Variants in CCDC6 observed in about 807,000 individuals in gnomAD.
The protein encoded by CCDC6 is coiled-coil domain containing 6.
CCDC6 carries 20 observed loss-of-function variants against 56.6 expected under a neutral mutation model. That is an observed-to-expected ratio of 0.35 (90% confidence interval 0.25 to 0.51). The LOEUF is 0.51. Among genes scored for constraint, CCDC6 ranks in the 20% least tolerant of loss-of-function variants. The pLI is 0.95. For missense variants in CCDC6, 367 were observed against 601.1 expected (o/e 0.61, Z 4.07); for synonymous variants, 241 against 234.4 (o/e 1.03, Z -0.26).
chr10:59,808,080 G>A (rs993073174), intron 5 of CCDC6, among the ~76,000 whole-genome samples: 2 of 152,080 alleles, frequency 1.3e-5, no homozygotes, highest in African/African-American at 4.8e-5. Flanking sequence ...GTATATAGCT[G>A]GCACCTCTAG....
chr10:59,833,614 C>T (rs1034600455), intron 2 of CCDC6, among the ~76,000 whole-genome samples: 17 of 116,942 alleles, frequency 1.5e-4, no homozygotes, highest in African/African-American at 5.4e-4. Flanking sequence ...TTAATAATCG[C>T]GCGTTATTTT....
At chr10:59,877,145 G>T (rs895243) in intron 1 of CCDC6, among the ~76,000 whole-genome samples, 115,697 of 152,144 alleles carry the variant, frequency 0.76, 44,243 homozygotes, top group East Asian at 0.9. Flanking sequence ...ATGCCATTAC[G>T]CAGTGCATAA....
intron 1 of CCDC6, among the ~76,000 whole-genome samples, chr10:59,900,278 C>T (rs1225403593): frequency 6.6e-6 from 1 of 152,012 alleles, no homozygotes; most frequent in Non-Finnish European, 1.5e-5. Flanking sequence ...CGGTGTGTGG[C>T]TGACAAAGAG....
At chr10:59,887,474 C>A in intron 1 of CCDC6, among the ~76,000 whole-genome samples, 2 of 127,756 alleles carry the variant, frequency 1.6e-5, no homozygotes, top group South Asian at 2.4e-4. Flanking sequence ...GCTTACCATG[C>A]AACTGTTAAA....
At chr10:59,862,387 T>G (rs190427864) in intron 1 of CCDC6, among the ~76,000 whole-genome samples, 2 of 149,988 alleles carry the variant, frequency 1.3e-5, no homozygotes, top group African/African-American at 4.9e-5. Context: ...ACTCAGGAGG[T>G]TGAGGCATAA....
intron 3 of CCDC6, among the ~76,000 whole-genome samples, chr10:59,821,191 T>C (rs10994030): frequency 0.19 from 28,986 of 152,164 alleles, 3,454 homozygotes; most frequent in African/African-American, 0.34. Flanking sequence ...CCCATACACC[T>C]GAGTTAATCC....
chr10:59,903,771 G>T (rs1017481510), intron 1 of CCDC6, among the ~76,000 whole-genome samples: 1 of 152,184 alleles, frequency 6.6e-6, no homozygotes, highest in Non-Finnish European at 1.5e-5. Flanking sequence ...TTAAGTCAGC[G>T]ATGTCAGGGA....
intron 1 of CCDC6, among the ~76,000 whole-genome samples, chr10:59,881,645 G>T (rs1460181671): frequency 6.6e-6 from 1 of 152,192 alleles, no homozygotes; most frequent in Non-Finnish European, 1.5e-5. Flanking sequence ...TTCAAATGAA[G>T]CCAAAAGTTG....
chr10:59,853,378 C>CA (rs1464061431), intron 1 of CCDC6, among the ~76,000 whole-genome samples: 3 of 151,788 alleles, frequency 2.0e-5, no homozygotes, highest in Non-Finnish European at 4.4e-5. Flanking sequence ...ATAAAAAATA[C>CA]AAAAAATTAG....
At chr10:59,832,375 T>C in intron 3 of CCDC6, 150 bp downstream of exon 3, 1 of 624,374 alleles carries the variant, frequency 1.6e-6, no homozygotes, top group Middle Eastern at 4.4e-4. Flanking sequence ...TGTAAACCTG[T>C]CAATGCTCAC....
At position 59,814,224 on chromosome 10, in the gene CCDC6, A is replaced by G. The variant is rs148796925; in HGVS notation, c.686+428T>C. ...TTACAGTAGGTTTTAAAACAATTTT[A>G]TTATTAAAATCTCAGGCTTCCTAAA... On this transcript the variant is annotated intron_variant, in intron 4 of 8. Transcript: ENST00000263102. Among the ~76,000 whole-genome samples the G allele has an allele frequency of 1.6e-3, 243 of 152,298 alleles. 2 individuals are homozygous for G. Among genetic ancestry groups the G allele is most frequent in the African/African-American group, 5.7e-3 (235 of 41,558 alleles).
At chr10:59,820,174 C>T (rs2070738923) in intron 3 of CCDC6, among the ~76,000 whole-genome samples, 1 of 152,126 alleles carries the variant, frequency 6.6e-6, no homozygotes, top group African/African-American at 2.4e-5. Flanking sequence ...AGAGGTGGCT[C>T]CCAATGCTAC....
intron 2 of CCDC6, among the ~76,000 whole-genome samples, chr10:59,850,906 T>A (rs2071033318): frequency 6.6e-6 from 1 of 152,064 alleles, no homozygotes; most frequent in Admixed American, 6.5e-5. Context: ...TTTTATGTTT[T>A]CATTCTTATG....
At chr10:59,811,433 G>A (rs867120015) in intron 5 of CCDC6, among the ~76,000 whole-genome samples, 22 of 152,264 alleles carry the variant, frequency 1.4e-4, no homozygotes, top group Middle Eastern at 6.8e-3. Context: ...TGTTCATTGC[G>A]GTTGTAGCAT....
chr10:59,794,360 G>A (rs2070494834), intron 8 of CCDC6, 113 bp downstream of exon 8: 3 of 1,007,826 alleles, frequency 3.0e-6, no homozygotes, highest in Non-Finnish European at 3.0e-6. Context: ...GTGAACGGAT[G>A]GAGGAGGCAG....
At chr10:59,887,481 T>TAAA (rs60170273) in intron 1 of CCDC6, among the ~76,000 whole-genome samples, 1 of 136,550 alleles carries the variant, frequency 7.3e-6, no homozygotes, top group African/African-American at 2.7e-5. Flanking sequence ...ATGCAACTGT[T>TAAA]AAAAAAAAAA....
Position 59,806,985 on chromosome 10 carries a change from C to T in CCDC6, c.941G>A (p.Arg314Lys), listed in dbSNP as rs147748484. ...LQRKLQREME[R>K]REALCRQLSE... ...GAGCTGTCGACAGAGGGCTTCTCTTCTCTCCATCTCCCTCTGCAGCTTCCT... is the reference window on the plus strand; with the variant it reads ...GAGCTGTCGACAGAGGGCTTCTCTTTTCTCCATCTCCCTCTGCAGCTTCCT... Residue 314 changes from arginine to lysine, a missense_variant, in exon 6 of 9, where the codon AGA becomes AAA. By Grantham distance (26) the Arg-to-Lys change is conservative. This residue lies in a region of CCDC6 where 81 missense variants were observed against 150.8 expected (regional missense o/e 0.54). Coordinates refer to ENST00000263102, the MANE Select transcript of CCDC6 (RefSeq NM_005436.5). 1 of 1,614,078 alleles carries T rather than the reference C, an allele frequency of 6.2e-7. No homozygotes were observed. Among genetic ancestry groups the T allele is most frequent in the African/African-American group, 1.3e-5 (1 of 75,048 alleles).
chr10:59,793,105 A>G lies in CCDC6; in HGVS notation c.1237T>C (p.Ser413Pro), dbSNP rs757953028. 1.2e-6 allele frequency: 2 copies of G among 1,613,896 alleles called. No homozygotes were observed. The highest frequency in any genetic ancestry group is 1.7e-5 in the Admixed American group (1 of 59,992). Residue 413 changes from serine (S) to proline (P), a missense_variant, in exon 9 of 9, where the codon TCA becomes CCA. This residue lies in a region of CCDC6 where 79 missense variants were observed against 83.9 expected (regional missense o/e 0.94). Coordinates refer to ENST00000263102, the MANE Select transcript of CCDC6 (RefSeq NM_005436.5). ...MGTSHGITRP[S>P]PRRSNSPDKF... ...TCAGGACTGTTGCTTCTCCGTGGTG[A>G]AGGCCTCTGCAGAGGGGACAGGAAC... is the stretch of plus-strand genomic sequence containing the variant.
At chr10:59,906,041 G>T (rs2071542753) in intron 1 of CCDC6, 81 bp downstream of exon 1, 7 of 1,209,812 alleles carry the variant, frequency 5.8e-6, no homozygotes, top group Non-Finnish European at 8.1e-6. Context: ...GGGAAGACTT[G>T]GGGGGTGGCT....
Sources: allele counts gnomAD v4.1 joint callset (sites outside exome capture counted in the v4.1 genomes callset), GRCh38; gene constraint gnomAD v4.1.1; regional missense constraint gnomAD v4.1.1; transcripts MANE v1.5; gene names NCBI Gene and HGNC (gene_info 2026-07-23, HGNC 2026-07-21).